SCN7A: variants seen among roughly 807,000 people sequenced by gnomAD.
SCN7A encodes the protein sodium voltage-gated channel alpha subunit 7.
A neutral mutation model predicts 155.2 loss-of-function variants in SCN7A; 138 were observed. The ratio of observed to expected loss-of-function variants is 0.89; its 90% confidence interval spans 0.77 to 1.02. The LOEUF (loss-of-function observed/expected upper bound fraction) is 1.02. SCN7A is among the 50% of genes least tolerant of loss of function. SCN7A has a pLI of 0.00. For synonymous variants in SCN7A, 693 were observed against 649.0 expected (o/e 1.07, Z -1.03); for missense variants, 2,058 against 1,986.6 (o/e 1.04, Z -0.68).
intron 18 of SCN7A, among the ~76,000 whole-genome samples, chr2:166,426,351 C>T (rs1701624166): frequency 6.6e-6 from 1 of 151,976 alleles, no homozygotes; most frequent in South Asian, 2.1e-4. Flanking sequence ...ATCTGGCAAG[C>T]CCCCTAGCGG....
At position 166,443,568 on chromosome 2, in the gene SCN7A, G is replaced by T; in HGVS notation, c.1735C>A (p.His579Asn). 6.3e-7 allele frequency: 1 copy of T among 1,592,488 alleles called. No homozygotes were observed. The highest frequency in any genetic ancestry group is 2.3e-5 in the East Asian group (1 of 44,130). ...GCTAGACAAAGTTCTATTAAACCATGGAACACTATCATGCTATCAAAAATG... is the reference window on the plus strand; with the variant it reads ...GCTAGACAAAGTTCTATTAAACCATTGAACACTATCATGCTATCAAAAATG... ...WNIFDSMIVF[H>N]GLIELCLANV... is the part of the protein sequence containing the mutation. The change falls in exon 14 of 26, where the codon CAT becomes AAT. Residue 579 changes from histidine to asparagine, a missense_variant. Physicochemically the swap from His to Asn is moderately conservative, Grantham distance 68. Transcript: ENST00000643258.
At chr2:166,451,471 A>T (rs1702176020) in intron 11 of SCN7A, among the ~76,000 whole-genome samples, 1 of 152,184 alleles carries the variant, frequency 6.6e-6, no homozygotes, top group African/African-American at 2.4e-5. Flanking sequence ...TTAAAATTAA[A>T]CTGGAAAAGG....
chr2:166,464,403 T>C (rs958368814), intron 9 of SCN7A, among the ~76,000 whole-genome samples: 1 of 152,022 alleles, frequency 6.6e-6, no homozygotes, highest in Non-Finnish European at 1.5e-5. Context: ...CAGGAGGGAA[T>C]TACATGAGTC....
intron 21 of SCN7A, among the ~76,000 whole-genome samples, chr2:166,414,263 T>C (rs1314129578): frequency 2.7e-4 from 20 of 75,030 alleles, no homozygotes; most frequent in African/African-American, 1.1e-3. Flanking sequence ...TAGATATATA[T>C]ACACACACAT....
At position 166,405,700 on chromosome 2, in the gene SCN7A, T is replaced by C. The variant is rs183375763; in HGVS notation, c.4929A>G (p.Arg1643=). ...QRAYKNYRLR[R]NDKNTSDIHM... ...GAATATCTGATGTATTTTTGTCATT[T>C]CGCCTCAAGCGGTAATTTTTATAAG... Residue 1643 remains arginine, a synonymous_variant, in exon 26 of 26, where the codon CGA becomes CGG. Coordinates refer to ENST00000643258, the MANE Select transcript of SCN7A (RefSeq NM_002976.4). The C allele has an allele frequency of 1.2e-5, 19 of 1,613,074 alleles. No individual in the cohort carries two copies. The highest frequency in any genetic ancestry group is 6.7e-5 in the Admixed American group (4 of 59,898).
chr2:166,452,372 T>A (rs2105455444), intron 11 of SCN7A, among the ~76,000 whole-genome samples: 1 of 148,832 alleles, frequency 6.7e-6, no homozygotes, highest in South Asian at 2.1e-4. Context: ...GTATTTTGTG[T>A]TTTCTATTCC....
rs1381565494 is a variant in SCN7A at position 166,414,171 on chromosome 2, ATATG to A, written c.3415-1054_3415-1051del. Among the ~76,000 whole-genome samples, 82 of 53,768 alleles carry A rather than the reference ATATG, an allele frequency of 1.5e-3. 2 individuals are homozygous for A. Among genetic ancestry groups the A allele is most frequent in the Non-Finnish European group, 2.5e-3 (71 of 28,804 alleles). The allele number at this position is 53,768 out of a possible 152,430, so 35.3% of individuals were successfully genotyped here. ...TATAAATATATATAATATATTATAT[ATATG>A]TAAATATATATAATATATAATATAT... is the stretch of plus-strand genomic sequence containing the variant. On this transcript the variant is annotated intron_variant, in intron 21 of 25. Coordinates refer to ENST00000643258, the MANE Select transcript of SCN7A (RefSeq NM_002976.4).
At chr2:166,447,477 T>C (rs370636275) in intron 12 of SCN7A, 135 bp downstream of exon 12, 18 of 588,388 alleles carry the variant, frequency 3.1e-5, no homozygotes, top group African/African-American at 1.3e-4. Context: ...ACATGGTTTA[T>C]CCTAATATTC....
chr2:166,423,400 C>A lies in SCN7A; in HGVS notation c.2886G>T (p.Lys962Asn). The change falls in exon 19 of 26, where the codon AAG (lysine) becomes AAT (asparagine). Residue 962 changes from lysine (K) to asparagine (N), a missense_variant. Lys to Asn is a moderately conservative substitution (Grantham distance 94, BLOSUM62 0). Transcript: ENST00000643258. Reference sequence around the variant, plus strand: ...CATATTCTAATAAAATTTTAATTGTCTTTCTCTGATCCATATATATATCTT... The same window carrying A: ...CATATTCTAATAAAATTTTAATTGTATTTCTCTGATCCATATATATATCTT... Reference protein sequence around the residue: ...AFEDIYMDQRKTIKILLEYAD... With the variant: ...AFEDIYMDQRNTIKILLEYAD... 1 of 1,596,702 alleles carries A rather than the reference C, an allele frequency of 6.3e-7. No individual in the cohort carries two copies. The highest frequency in any genetic ancestry group is 8.5e-7 in the Non-Finnish European group (1 of 1,172,730).
At chr2:166,483,785 C>T (rs531783529) in intron 2 of SCN7A, among the ~76,000 whole-genome samples, 5 of 151,882 alleles carry the variant, frequency 3.3e-5, no homozygotes, top group African/African-American at 7.2e-5. Flanking sequence ...TAAATAAAAA[C>T]GTTTACACTT....
rs1299056087 is a variant in SCN7A, at chr2:166,405,685, T to A, written c.4944A>T (p.Thr1648=). Residue 1648 remains threonine, a synonymous_variant, in exon 26 of 26, where the codon ACA becomes ACT. Transcript: ENST00000643258. ...NYRLRRNDKN[T]SDIHMIDGDR... Reference sequence around the variant, plus strand: ...CACCATCTATCATATGAATATCTGATGTATTTTTGTCATTTCGCCTCAAGC... The same window carrying A: ...CACCATCTATCATATGAATATCTGAAGTATTTTTGTCATTTCGCCTCAAGC... 3 of 1,612,876 alleles carry A rather than the reference T, an allele frequency of 1.9e-6. No individual in the cohort carries two copies. The Admixed American group carries it at 5.0e-5, about 27-fold the overall frequency.
Position 166,432,492 on chromosome 2 carries a change from T to G in SCN7A, c.2418A>C (p.Lys806Asn). Residue 806 changes from lysine to asparagine, a missense_variant, in exon 16 of 26, where the codon AAA (lysine) becomes AAC (asparagine). Coordinates refer to ENST00000643258, the MANE Select transcript of SCN7A (RefSeq NM_002976.4). ...SELSNTQDFL[K>N]DKEKSSGTEK... is the part of the protein sequence containing the mutation. The stretch of plus-strand genomic sequence containing the variant: ...CTGTGCCACTGCTTTTTTCCTTATC[T>G]TTGAGAAAATCTTGGGTGTTGCTCA... 1 of 1,613,650 alleles carries G rather than the reference T, an allele frequency of 6.2e-7. No homozygotes were observed. Among genetic ancestry groups the G allele is most frequent in the South Asian group, 1.1e-5 (1 of 91,072 alleles).
In SCN7A at chr2:166,405,545, ATG is replaced by A. The variant is rs1701048896; in HGVS notation, c.*33_*34del. ...CTTAGGCTTTCAACATTTTTCAGAT[ATG>A]TGAAGAAATATGAAAAGAGGTGGTA... is the stretch of plus-strand genomic sequence containing the variant. On this transcript the variant is annotated 3_prime_UTR_variant, in exon 26 of 26. Coordinates refer to ENST00000643258, the MANE Select transcript of SCN7A (RefSeq NM_002976.4). 7.1e-7 allele frequency: 1 copy of A among 1,400,886 alleles called. No homozygotes were observed. Among genetic ancestry groups the A allele is most frequent in the African/African-American group, 1.4e-5 (1 of 69,184 alleles). The allele number at this position is 1,400,886 out of a possible 1,614,324, so 86.8% of individuals were successfully genotyped here.
chr2:166,468,503 G>T (rs979100666), intron 7 of SCN7A, among the ~76,000 whole-genome samples: 4 of 151,978 alleles, frequency 2.6e-5, no homozygotes, highest in African/African-American at 9.7e-5. Flanking sequence ...TATGTCTCTA[G>T]TTCAAGAATG....
At position 166,456,819 on chromosome 2, in the gene SCN7A, T is replaced by TAG. The variant is rs1377186699; in HGVS notation, c.1290+50_1290+51insCT. ...CAAGACTAAAATATATATATATATA[T>TAG]ATATATATATAGATAGATAGATAGA... On this transcript the variant is annotated intron_variant, in intron 11 of 25. Transcript: ENST00000643258. 4.9e-3 allele frequency: 3,163 copies of TAG among 643,346 alleles called. 18 individuals are homozygous for TAG. Among genetic ancestry groups the TAG allele is most frequent in the African/African-American group, 0.012 (513 of 43,110 alleles). 39.9% of individuals were successfully genotyped at this position (643,346 alleles called of 1,614,324 possible).
intron 21 of SCN7A, among the ~76,000 whole-genome samples, chr2:166,415,276 G>C (rs150022330): frequency 4.0e-5 from 6 of 149,350 alleles, no homozygotes; most frequent in African/African-American, 1.5e-4. Context: ...CCAGACTGGA[G>C]AGCAGTGGAA....
chr2:166,414,485 ATC>A (rs1433975294), intron 21 of SCN7A: 1 of 137,194 alleles, frequency 7.3e-6, no homozygotes, highest in East Asian at 2.1e-4. Flanking sequence ...ATATATATAT[ATC>A]TCCTATCCTA....
At chr2:166,468,879 G>C (rs1702594191) in intron 7 of SCN7A, among the ~76,000 whole-genome samples, 1 of 151,634 alleles carries the variant, frequency 6.6e-6, no homozygotes, top group South Asian at 2.1e-4. Context: ...TTAACATGCG[G>C]TCTAAGGGTG....
chr2:166,455,724 T>C (rs1702259092), intron 11 of SCN7A, among the ~76,000 whole-genome samples: 2 of 152,180 alleles, frequency 1.3e-5, no homozygotes, highest in African/African-American at 4.8e-5. Context: ...GTTCCATCAA[T>C]ACCTAGTTTA....
Sources: gnomAD v4.1 joint callset for allele counts (sites outside exome capture counted in the v4.1 genomes callset) on GRCh38, gnomAD v4.1.1 for gene constraint, MANE v1.5 for transcripts, NCBI Gene and HGNC (gene_info 2026-07-23, HGNC 2026-07-21) for gene names.